RAB38: variants seen among roughly 807,000 people sequenced by gnomAD.
RAB38 encodes RAB38, member RAS oncogene family, also known as ras-related protein Rab-38.
RAB38 carries 15 observed loss-of-function variants against 18.4 expected under a neutral mutation model. The ratio of observed to expected loss-of-function variants is 0.82; its 90% confidence interval spans 0.55 to 1.26. RAB38 has a LOEUF of 1.26. Among genes scored for constraint, RAB38 ranks in the 50% most tolerant of loss-of-function variants. RAB38 has a pLI of 0.00. For missense variants in RAB38, 294 were observed against 267.4 expected (o/e 1.10, Z -0.69); for synonymous variants, 101 against 104.4 (o/e 0.97, Z 0.20).
the RAB38 span, among the ~76,000 whole-genome samples, chr11:87,924,721 G>A: frequency 6.6e-6 from 1 of 151,960 alleles, no homozygotes; most frequent in Non-Finnish European, 1.5e-5. Context: ...TTTTACAAGT[G>A]AGAAAACTGA....
At chr11:88,045,740 C>G in the RAB38 span, among the ~76,000 whole-genome samples, 1 of 152,216 alleles carries the variant, frequency 6.6e-6, no homozygotes, top group African/African-American at 2.4e-5. Context: ...GAGGTCAAGT[C>G]CGTCCCCTTC....
the RAB38 span, among the ~76,000 whole-genome samples, chr11:87,915,423 C>G: frequency 6.6e-6 from 1 of 152,118 alleles, no homozygotes; most frequent in South Asian, 2.1e-4. Flanking sequence ...TCTGGTCATT[C>G]TCACTGCTCA....
the RAB38 span, among the ~76,000 whole-genome samples, chr11:87,838,215 T>C: frequency 2.5e-4 from 38 of 152,010 alleles, 1 homozygote; most frequent in African/African-American, 8.2e-4. Flanking sequence ...CCTGGGTTCA[T>C]GCCATTCTCC....
chr11:88,028,332 C>G, the RAB38 span, among the ~76,000 whole-genome samples: 2 of 152,196 alleles, frequency 1.3e-5, no homozygotes, highest in Admixed American at 6.5e-5. Context: ...CTCTCCTCCT[C>G]CAAAGGAATG....
At chr11:88,119,167 G>A (rs1942597808) in intron 2 of RAB38, among the ~76,000 whole-genome samples, 1 of 151,288 alleles carries the variant, frequency 6.6e-6, no homozygotes, top group African/African-American at 2.4e-5. Flanking sequence ...ATGTTACCAG[G>A]GCCCTCCTTC....
the RAB38 span, among the ~76,000 whole-genome samples, chr11:88,075,894 CAA>C: frequency 1.2e-4 from 15 of 127,278 alleles, no homozygotes; most frequent in South Asian, 2.6e-4. Context: ...AAAAAGAAAA[CAA>C]AAAAAAAAAA....
chr11:87,945,577 AG>A, the RAB38 span, among the ~76,000 whole-genome samples: 2 of 152,132 alleles, frequency 1.3e-5, no homozygotes, highest in African/African-American at 4.8e-5. Context: ...AGAAGAGTGA[AG>A]GAAAAGAAAA....
chr11:87,846,823 G>C, the RAB38 span, among the ~76,000 whole-genome samples: 2 of 152,132 alleles, frequency 1.3e-5, no homozygotes, highest in South Asian at 2.1e-4. Context: ...TAAAATCTGA[G>C]TAAGACAAAG....
At chr11:88,056,037 T>G in the RAB38 span, among the ~76,000 whole-genome samples, 2 of 150,538 alleles carry the variant, frequency 1.3e-5, no homozygotes, top group African/African-American at 2.5e-5. Flanking sequence ...GTGTGTGTGG[T>G]GGGGGCAGTT....
chr11:87,886,700 G>C, the RAB38 span, among the ~76,000 whole-genome samples: 11 of 151,898 alleles, frequency 7.2e-5, no homozygotes, highest in East Asian at 2.2e-3. Context: ...CCCTGGAAAA[G>C]AGATACTATT....
At chr11:88,154,814 G>C (rs966710808) in intron 1 of RAB38, among the ~76,000 whole-genome samples, 2 of 152,132 alleles carry the variant, frequency 1.3e-5, no homozygotes, top group African/African-American at 4.8e-5. Flanking sequence ...TGCTCATCTG[G>C]CCACCACACC....
At chr11:87,903,032 C>A in the RAB38 span, among the ~76,000 whole-genome samples, 1 of 151,108 alleles carries the variant, frequency 6.6e-6, no homozygotes, top group Non-Finnish European at 1.5e-5. Context: ...CTCATCCTTT[C>A]CTATCATTAA....
the RAB38 span, among the ~76,000 whole-genome samples, chr11:87,968,955 C>A: frequency 6.6e-6 from 1 of 152,034 alleles, no homozygotes. Flanking sequence ...GTACAATGCA[C>A]ATTATTTGGG....
the RAB38 span, among the ~76,000 whole-genome samples, chr11:88,097,182 A>G: frequency 6.6e-6 from 1 of 151,806 alleles, no homozygotes; most frequent in Non-Finnish European, 1.5e-5. Flanking sequence ...AGGGCTTTCT[A>G]GGATATCCCA....
the RAB38 span, among the ~76,000 whole-genome samples, chr11:88,086,076 T>A: frequency 1.1e-4 from 16 of 151,916 alleles, no homozygotes; most frequent in Admixed American, 1.1e-3. Flanking sequence ...TCTTCAATTA[T>A]AAAATATAGT....
the RAB38 span, among the ~76,000 whole-genome samples, chr11:88,045,246 C>T: frequency 1.3e-4 from 20 of 152,134 alleles, no homozygotes; most frequent in African/African-American, 4.3e-4. Flanking sequence ...AATTAAATTC[C>T]GGCCCCCAAA....
intron 2 of RAB38, among the ~76,000 whole-genome samples, chr11:88,127,848 G>T (rs1942719150): frequency 6.6e-6 from 1 of 152,106 alleles, no homozygotes; most frequent in African/African-American, 2.4e-5. Context: ...AGTATCTATG[G>T]TCACACACAT....
chr11:88,013,598 A>G, the RAB38 span, among the ~76,000 whole-genome samples: 1 of 152,170 alleles, frequency 6.6e-6, no homozygotes, highest in South Asian at 2.1e-4. Context: ...CTGCAGTGAA[A>G]CACTAAGAGC....
chr11:87,828,480 G>A, the RAB38 span, among the ~76,000 whole-genome samples: 1 of 152,192 alleles, frequency 6.6e-6, no homozygotes, highest in African/African-American at 2.4e-5. Flanking sequence ...CAATGGGTTT[G>A]CATCCTTTCC....
Sources: gnomAD v4.1 joint callset for allele counts (sites outside exome capture counted in the v4.1 genomes callset) on GRCh38, gnomAD v4.1.1 for gene constraint, MANE v1.5 for transcripts, NCBI Gene and HGNC (gene_info 2026-07-23, HGNC 2026-07-21) for gene names.